The following CACNB4 variants were observed in gnomAD, a reference collection of about 807,000 sequenced individuals.
The protein encoded by CACNB4 is voltage-dependent L-type calcium channel subunit beta-4.
In CACNB4, 32 loss-of-function variants were observed where a neutral mutation model predicts 71.2. That is an observed-to-expected ratio of 0.45 (90% CI 0.34 to 0.60). The LOEUF (loss-of-function observed/expected upper bound fraction) is 0.60. Among genes scored for constraint, CACNB4 ranks in the 20% least tolerant of loss-of-function variants. The pLI is 0.01. For synonymous variants in CACNB4, 231 were observed against 236.9 expected (o/e 0.97, Z 0.23); for missense variants, 464 against 647.9 (o/e 0.72, Z 3.08).
At chr2:152,006,401 C>CTTTTTTTTTTTTTT in intron 2 of CACNB4, among the ~76,000 whole-genome samples, 1 of 138,554 alleles carries the variant, frequency 7.2e-6, no homozygotes, top group Non-Finnish European at 1.5e-5. Flanking sequence ...TCTTTTCTTT[C>CTTTTTTTTTTTTTT]TTTTTTTTTT....
chr2:151,976,554 T>G (rs753138449), intron 2 of CACNB4, among the ~76,000 whole-genome samples: 1 of 152,196 alleles, frequency 6.6e-6, no homozygotes, highest in Admixed American at 6.5e-5. Flanking sequence ...AGATCACAGG[T>G]TGGGGAGTCT....
At chr2:152,035,624 C>CTCTCTCT (rs1684529446) in intron 2 of CACNB4, among the ~76,000 whole-genome samples, 2 of 31,314 alleles carry the variant, frequency 6.4e-5, no homozygotes, top group South Asian at 1.6e-3. Flanking sequence ...TCTCTCCCTC[C>CTCTCTCT]CTCTCCCTCT....
intron 2 of CACNB4, among the ~76,000 whole-genome samples, chr2:151,918,585 C>A (rs1415111212): frequency 6.6e-6 from 1 of 152,202 alleles, no homozygotes; most frequent in Non-Finnish European, 1.5e-5. Context: ...CACATAGATG[C>A]TCCCTGCCTA....
At chr2:151,899,239 G>T (rs2099852809) in intron 2 of CACNB4, among the ~76,000 whole-genome samples, 1 of 152,158 alleles carries the variant, frequency 6.6e-6, no homozygotes, top group East Asian at 1.9e-4. Context: ...AGAGTTTAGG[G>T]GAAAATGCAG....
intron 2 of CACNB4, among the ~76,000 whole-genome samples, chr2:152,068,974 C>T (rs966933778): frequency 6.6e-6 from 1 of 152,150 alleles, no homozygotes; most frequent in African/African-American, 2.4e-5. Context: ...CACACTGAGG[C>T]GGTGACCTTT....
intron 7 of CACNB4, 57 bp downstream of exon 7, chr2:151,870,785 G>A (rs1347507575): frequency 1.4e-6 from 2 of 1,402,792 alleles, no homozygotes; most frequent in Middle Eastern, 1.8e-4. Flanking sequence ...ATGGAGCATT[G>A]CAGGCATGTA....
intron 2 of CACNB4, among the ~76,000 whole-genome samples, chr2:152,036,885 G>A (rs956734137): frequency 1.3e-5 from 2 of 152,174 alleles, no homozygotes; most frequent in Non-Finnish European, 2.9e-5. Flanking sequence ...AGATTCCTTC[G>A]AAGAGTTTCA....
chr2:152,020,198 T>G (rs1683576773), intron 2 of CACNB4, among the ~76,000 whole-genome samples: 1 of 152,216 alleles, frequency 6.6e-6, no homozygotes, highest in African/African-American at 2.4e-5. Flanking sequence ...AGCATCGATT[T>G]GAGATGCTGG....
At chr2:152,019,309 T>C (rs1419577183) in intron 2 of CACNB4, among the ~76,000 whole-genome samples, 1 of 152,250 alleles carries the variant, frequency 6.6e-6, no homozygotes, top group Non-Finnish European at 1.5e-5. Context: ...TGATCTTATA[T>C]ATAAGCATCT....
intron 2 of CACNB4, chr2:151,971,886 C>G: frequency 2.3e-6 from 1 of 430,278 alleles, no homozygotes; most frequent in Non-Finnish European, 4.3e-6. Context: ...CCTTCCTCAC[C>G]TCCACAGATG....
chr2:151,876,870 CTATAT>C (rs543401491), intron 4 of CACNB4, among the ~76,000 whole-genome samples: 3,147 of 108,190 alleles, frequency 0.029, 37 homozygotes, highest in Non-Finnish European at 0.036. Flanking sequence ...TATATCTATA[CTATAT>C]TATACTATAC....
chr2:152,019,635 C>T (rs1384236933), intron 2 of CACNB4, among the ~76,000 whole-genome samples: 1 of 151,954 alleles, frequency 6.6e-6, no homozygotes, highest in Non-Finnish European at 1.5e-5. Flanking sequence ...TTTCTGATAA[C>T]AAGAAAGATG....
chr2:152,013,946 G>A (rs1414512082), intron 2 of CACNB4, among the ~76,000 whole-genome samples: 1 of 152,190 alleles, frequency 6.6e-6, no homozygotes, highest in African/African-American at 2.4e-5. Flanking sequence ...CTGCAGGTCA[G>A]TTCACTGGTT....
At chr2:151,919,622 G>A (rs1380110577) in intron 2 of CACNB4, among the ~76,000 whole-genome samples, 1 of 152,054 alleles carries the variant, frequency 6.6e-6, no homozygotes, top group Admixed American at 6.6e-5. Flanking sequence ...GAGAGAGAGC[G>A]CCTCCTCAAA....
intron 2 of CACNB4, among the ~76,000 whole-genome samples, chr2:151,983,683 A>T (rs1192735220): frequency 1.3e-4 from 18 of 138,998 alleles, no homozygotes; most frequent in South Asian, 2.1e-4. Context: ...GGTCACACAC[A>T]CACACACACA....
intron 6 of CACNB4, chr2:151,872,167 A>G (rs781704135): frequency 3.5e-5 from 13 of 370,910 alleles, no homozygotes; most frequent in Non-Finnish European, 6.4e-5. Flanking sequence ...AATTTACACA[A>G]TGGACAGTTA....
chr2:151,870,789 G>A (rs777064418), intron 7 of CACNB4, 53 bp downstream of exon 7: 20 of 1,441,258 alleles, frequency 1.4e-5, no homozygotes, highest in Non-Finnish European at 1.9e-5. Context: ...AGCATTGCAG[G>A]CATGTATATA....
At chr2:152,057,294 G>C (rs1685777146) in intron 2 of CACNB4, among the ~76,000 whole-genome samples, 1 of 152,124 alleles carries the variant, frequency 6.6e-6, no homozygotes, top group African/African-American at 2.4e-5. Flanking sequence ...GAGACCCCAG[G>C]TCTAGCTGAC....
At chr2:151,908,753 A>C (rs931963806) in intron 2 of CACNB4, among the ~76,000 whole-genome samples, 1 of 152,172 alleles carries the variant, frequency 6.6e-6, no homozygotes, top group Non-Finnish European at 1.5e-5. Context: ...GCAGCTTGAG[A>C]GATTTAAGTC....
Sources: allele counts gnomAD v4.1 joint callset (sites outside exome capture counted in the v4.1 genomes callset), GRCh38; gene constraint gnomAD v4.1.1; transcripts MANE v1.5; gene names NCBI Gene and HGNC (gene_info 2026-07-23, HGNC 2026-07-21).